The following GPHN variants were observed in gnomAD, a reference collection of about 807,000 sequenced individuals.
The protein encoded by GPHN is gephyrin.
A neutral mutation model predicts 95.5 loss-of-function variants in GPHN; 17 were observed. The ratio of observed to expected loss-of-function variants is 0.18; its 90% CI spans 0.12 to 0.27. GPHN has a LOEUF of 0.27. GPHN is among the 10% of genes least tolerant of loss of function. The probability of loss-of-function intolerance (pLI) is 1.00; values close to 1 mark genes in which losing one functional copy is unlikely to be tolerated. For missense variants in GPHN, 660 were observed against 978.1 expected, an observed-to-expected ratio of 0.67 and a Z score of 4.34; for synonymous variants, 320 against 322.5, an observed-to-expected ratio of 0.99 and a Z score of 0.08.
At chr14:66,921,299 T>TA (rs906240670) in intron 6 of GPHN, among the ~76,000 whole-genome samples, 1 of 152,118 alleles carries the variant, frequency 6.6e-6, no homozygotes, top group African/African-American at 2.4e-5. Context: ...CTTGCAGGAG[T>TA]AAGGTGGTAT....
chr14:66,584,629 G>C (rs528546204), intron 1 of GPHN, among the ~76,000 whole-genome samples: 1 of 152,240 alleles, frequency 6.6e-6, no homozygotes, highest in South Asian at 2.1e-4. Flanking sequence ...GGCCTTTTCT[G>C]CATCTATTGA....
At position 66,922,839 on chromosome 14, in the gene GPHN, T is replaced by A; in HGVS notation, c.630T>A (p.Val210=). The change falls in exon 7 of 23, where the codon GTT becomes GTA. Residue 210 remains valine (V), a synonymous_variant. Transcript: ENST00000478722. ...ATAAACAGACAGAAGACAAAGGAGT[T>A]CAATGTGAGGAAGAGGAAGAAGAGA... ...SPHKQTEDKG[V]QCEEEEEEKK... 1 of 1,613,508 alleles carries A rather than the reference T, an allele frequency of 6.2e-7. No homozygotes were observed. The highest frequency in any genetic ancestry group is 1.1e-5 in the South Asian group (1 of 91,060).
the GPHN span, chr14:67,586,498 G>A: frequency 1.0e-6 from 1 of 993,574 alleles, no homozygotes; most frequent in Non-Finnish European, 1.4e-6. Context: ...CCCAACATTA[G>A]CTACAAAGTG....
chr14:67,385,513 C>T, the GPHN span: 2 of 151,860 alleles, frequency 1.3e-5, no homozygotes, highest in East Asian at 1.9e-4. Flanking sequence ...ATTTCATCTA[C>T]TCCCTACTGT....
the GPHN span, among the ~76,000 whole-genome samples, chr14:67,342,739 TTAATA>T: frequency 1.3e-5 from 2 of 151,000 alleles, no homozygotes; most frequent in African/African-American, 2.4e-5. Flanking sequence ...TTATACATAG[TTAATA>T]TAATAGTTAA....
the GPHN span, among the ~76,000 whole-genome samples, chr14:67,609,089 C>A: frequency 6.6e-6 from 1 of 152,042 alleles, no homozygotes; most frequent in Non-Finnish European, 1.5e-5. Context: ...CACCAACCAG[C>A]TATTAATTGG....
the GPHN span, among the ~76,000 whole-genome samples, chr14:67,508,216 A>G: frequency 6.6e-6 from 1 of 151,040 alleles, no homozygotes; most frequent in African/African-American, 2.4e-5. Flanking sequence ...TTTGTTCCTT[A>G]GCTTCCAGTT....
At chr14:66,572,173 T>C (rs539805697) in intron 1 of GPHN, among the ~76,000 whole-genome samples, 1 of 152,356 alleles carries the variant, frequency 6.6e-6, no homozygotes, top group South Asian at 2.1e-4. Flanking sequence ...TTGGAGATTT[T>C]CAAATCAGGC....
chr14:66,578,896 G>A (rs931671351), intron 1 of GPHN, among the ~76,000 whole-genome samples: 2 of 151,766 alleles, frequency 1.3e-5, no homozygotes, highest in African/African-American at 4.8e-5. Context: ...AAATTCACTG[G>A]TGAAAGTAAG....
At chr14:67,166,859 G>A (rs770478205) in intron 20 of GPHN, among the ~76,000 whole-genome samples, 2 of 152,002 alleles carry the variant, frequency 1.3e-5, no homozygotes, top group South Asian at 2.1e-4. Context: ...TTGTAGAGAC[G>A]GGGTTTCACC....
intron 10 of GPHN, among the ~76,000 whole-genome samples, chr14:67,035,965 T>TA (rs376482619): frequency 5.3e-5 from 8 of 151,464 alleles, no homozygotes; most frequent in East Asian, 3.9e-4. Flanking sequence ...AGATAACTGA[T>TA]AAAAAAAATT....
the GPHN span, among the ~76,000 whole-genome samples, chr14:67,507,450 T>A: frequency 6.6e-6 from 1 of 152,044 alleles, no homozygotes; most frequent in African/African-American, 2.4e-5. Context: ...AATCCTGGAC[T>A]GAAGCAGACC....
intron 13 of GPHN, among the ~76,000 whole-genome samples, chr14:67,106,904 G>A (rs2078072531): frequency 6.6e-6 from 1 of 151,462 alleles, no homozygotes; most frequent in Non-Finnish European, 1.5e-5. Flanking sequence ...TGTTTCTTGT[G>A]TCCCCATGTT....
chr14:67,029,773 C>T (rs935609058), intron 10 of GPHN, among the ~76,000 whole-genome samples: 5 of 152,140 alleles, frequency 3.3e-5, no homozygotes, highest in Admixed American at 3.3e-4. Flanking sequence ...AATTTGGCTG[C>T]CACCTCTGAG....
the GPHN span, among the ~76,000 whole-genome samples, chr14:67,474,947 G>A: frequency 3.1e-5 from 4 of 128,584 alleles, no homozygotes; most frequent in Non-Finnish European, 4.6e-5. Context: ...ACGGAGTCTC[G>A]CTCTGTCGTC....
chr14:67,583,845 C>T, the GPHN span: 92 of 1,613,440 alleles, frequency 5.7e-5, no homozygotes, highest in Non-Finnish European at 7.5e-5. Context: ...GGTTCCACCC[C>T]AGGCGCTATA....
At chr14:67,077,955 T>C (rs1023873625) in intron 11 of GPHN, among the ~76,000 whole-genome samples, 51 of 152,192 alleles carry the variant, frequency 3.4e-4, no homozygotes, top group African/African-American at 1.2e-3. Context: ...GCCTTGCCTT[T>C]AAGATTTCTG....
At chr14:67,641,594 T>C in the GPHN span, among the ~76,000 whole-genome samples, 1 of 152,198 alleles carries the variant, frequency 6.6e-6, no homozygotes, top group Non-Finnish European at 1.5e-5. Context: ...CAATAAATAT[T>C]AGATATTTCT....
At chr14:67,721,461 A>T in the GPHN span, among the ~76,000 whole-genome samples, 2 of 152,142 alleles carry the variant, frequency 1.3e-5, no homozygotes, top group Non-Finnish European at 2.9e-5. Context: ...GCCTAAGCTC[A>T]GTCTTGAACT....
Sources: gnomAD v4.1 joint callset for allele counts (sites outside exome capture counted in the v4.1 genomes callset) on GRCh38, gnomAD v4.1.1 for gene constraint, MANE v1.5 for transcripts, NCBI Gene and HGNC (gene_info 2026-07-23, HGNC 2026-07-21) for gene names.